Variants in MROH9 observed in about 807,000 individuals in gnomAD.
MROH9 encodes the protein maestro heat-like repeat-containing protein family member 9.
A neutral mutation model predicts 98.2 loss-of-function variants in MROH9; 92 were observed. The ratio of observed to expected loss-of-function variants is 0.94; its 90% CI spans 0.79 to 1.11. MROH9 has a LOEUF of 1.11. MROH9 is among the 50% of genes most tolerant of loss of function. The pLI is 0.00. For missense variants in MROH9, 1,057 were observed against 1,014.8 expected (o/e 1.04, Z -0.57); for synonymous variants, 397 against 368.9 (o/e 1.08, Z -0.87).
intron 10 of MROH9, among the ~76,000 whole-genome samples, chr1:170,987,256 C>CTATGATTTT (rs1651174656): frequency 6.6e-6 from 1 of 152,164 alleles, no homozygotes; most frequent in Non-Finnish European, 1.5e-5. Context: ...AATATTTTGC[C>CTATGATTTT]ATATTTGCTT....
rs1651388730 is a variant in MROH9, at chr1:170,992,308, T to G, written c.1173T>G (p.Ile391Met). Residue 391 changes from isoleucine (I) to methionine (M), a missense_variant, in exon 12 of 22, where the codon ATT (isoleucine) becomes ATG (methionine). By Grantham distance (10) the Ile-to-Met change is conservative (BLOSUM62 1). Transcript: ENST00000367759. ...VTEGKRFSLD[I>M]TNLMPLAACQ... ...AAGGGAAACGTTTCTCTCTTGATAT[T>G]ACCAACTTGATGCCTTTGGCGGTAA... 1.2e-6 allele frequency: 2 copies of G among 1,613,176 alleles called. No individual in the cohort carries two copies. The highest frequency in any genetic ancestry group is 1.3e-5 in the African/African-American group (1 of 74,868).
Position 170,958,552 on chromosome 1 carries a change from T to A in MROH9, c.152+12T>A. 6.5e-7 allele frequency: 1 copy of A among 1,541,574 alleles called. No individual in the cohort carries two copies. ...GCTGTGAACTCCAGGTATGATAAGC[T>A]ATCATGCTCTTTTATTTCACTAATT... On this transcript the variant is annotated intron_variant, in intron 4 of 21. Transcript: ENST00000367759.
Position 171,060,378 on chromosome 1 carries a change from A to G in MROH9, c.2282-1754A>G, listed in dbSNP as rs140732353. ...CCCCAAATTGATCTGTATAGATTCA[A>G]TGTATTCCCAAACAATATCTCACTG... On this transcript the variant is annotated intron_variant, in intron 20 of 21. Transcript: ENST00000367759. Among the ~76,000 whole-genome samples the G allele has an allele frequency of 8.4e-4, 128 of 152,298 alleles. 1 individual carries two copies. Among genetic ancestry groups the G allele is most frequent in the African/African-American group, 2.9e-3 (121 of 41,580 alleles).
chr1:171,054,975 C>A (rs1445187340), intron 20 of MROH9, among the ~76,000 whole-genome samples: 1 of 151,288 alleles, frequency 6.6e-6, no homozygotes, highest in Non-Finnish European at 1.5e-5. Flanking sequence ...AGTAGATCTA[C>A]CATTTGATCC....
intron 10 of MROH9, among the ~76,000 whole-genome samples, chr1:170,987,433 A>C (rs1651183367): frequency 6.6e-6 from 1 of 152,214 alleles, no homozygotes; most frequent in Non-Finnish European, 1.5e-5. Flanking sequence ...GCTTCCTTAC[A>C]ACATAGGAAA....
chr1:170,951,899 G>T (rs1359170209), intron 3 of MROH9, among the ~76,000 whole-genome samples: 1 of 152,124 alleles, frequency 6.6e-6, no homozygotes, highest in Admixed American at 6.6e-5. Flanking sequence ...TTGCTAATGG[G>T]TTACAGCAGC....
At chr1:171,044,930 T>C (rs915897195) in intron 20 of MROH9, among the ~76,000 whole-genome samples, 1 of 150,750 alleles carries the variant, frequency 6.6e-6, no homozygotes, top group Non-Finnish European at 1.5e-5. Context: ...TTATCATTTG[T>C]ATTGTTGTTT....
At position 171,014,231 on chromosome 1, in the gene MROH9, C is replaced by G; in HGVS notation, c.1711C>G (p.His571Asp). The G allele has an allele frequency of 6.4e-7, 1 of 1,550,964 alleles. No homozygotes were observed. Among genetic ancestry groups the G allele is most frequent in the Non-Finnish European group, 8.7e-7 (1 of 1,146,678 alleles). Reference protein sequence around the residue: ...VSRLILHRIVHMSPIINKTEN... With the variant: ...VSRLILHRIVDMSPIINKTEN... ...CAGACTGATCCTTCATAGAATTGTCCACATGTCACCAATTATCAATAAGGT... is the reference window on the plus strand; with the variant it reads ...CAGACTGATCCTTCATAGAATTGTCGACATGTCACCAATTATCAATAAGGT... The change falls in exon 16 of 22, where the codon CAC becomes GAC. Residue 571 changes from histidine to aspartate, a missense_variant. His to Asp is a moderately conservative substitution (Grantham distance 81, BLOSUM62 -1). Coordinates refer to ENST00000367759, the MANE Select transcript of MROH9 (RefSeq NM_001163629.2).
chr1:171,026,026 C>CTTCCCTTTGTCAGGG (rs1323117542), intron 20 of MROH9, among the ~76,000 whole-genome samples: 1 of 152,116 alleles, frequency 6.6e-6, no homozygotes, highest in Non-Finnish European at 1.5e-5. Flanking sequence ...CTTCCCTTGA[C>CTTCCCTTTGTCAGGG]CCCAGTTAGC....
chr1:171,042,667 G>T (rs544090272), intron 20 of MROH9, among the ~76,000 whole-genome samples: 126 of 152,108 alleles, frequency 8.3e-4, no homozygotes, highest in African/African-American at 2.9e-3. Context: ...CTGTCTTTTT[G>T]ATATAAGCCA....
At position 171,019,719 on chromosome 1, in the gene MROH9, A is replaced by G. The variant is rs145852838; in HGVS notation, c.1908+3383A>G. 2.4e-3 allele frequency among the ~76,000 whole-genome samples: 363 copies of G among 152,278 alleles called. 1 individual carries two copies. The highest frequency in any genetic ancestry group is 3.7e-3 in the Admixed American group (57 of 15,294). ...TCACAATTAAAAGAGCTAAAGAAGCAGGAGCAAACAAATTCAAAAGCTAGC... is the reference window on the plus strand; with the variant it reads ...TCACAATTAAAAGAGCTAAAGAAGCGGGAGCAAACAAATTCAAAAGCTAGC... On this transcript the variant is annotated intron_variant, in intron 17 of 21. Coordinates refer to ENST00000367759, the MANE Select transcript of MROH9 (RefSeq NM_001163629.2).
At chr1:171,024,833 T>G in intron 19 of MROH9, 68 bp downstream of exon 19, 3 of 916,902 alleles carry the variant, frequency 3.3e-6, no homozygotes, top group Non-Finnish European at 5.1e-6. Flanking sequence ...TCCAAAGTGA[T>G]AAAAACTGTA....
At chr1:170,945,334 T>C (rs1649287180) in intron 1 of MROH9, among the ~76,000 whole-genome samples, 186 bp from the exon 2 acceptor site, 1 of 152,100 alleles carries the variant, frequency 6.6e-6, no homozygotes, top group Admixed American at 6.6e-5. Flanking sequence ...CTGAACCTTC[T>C]GACCTACAGA....
intron 15 of MROH9, among the ~76,000 whole-genome samples, chr1:171,004,703 A>T (rs910123944): frequency 6.6e-6 from 1 of 152,118 alleles, no homozygotes; most frequent in Admixed American, 6.5e-5. Flanking sequence ...TGGAGCTAAA[A>T]TTCACAATGC....
chr1:171,029,665 G>GT (rs1249392109), intron 20 of MROH9, among the ~76,000 whole-genome samples: 6 of 152,108 alleles, frequency 3.9e-5, no homozygotes, highest in Admixed American at 1.3e-4. Flanking sequence ...TGGTGGGTAA[G>GT]TTTTTTTGAT....
At chr1:171,058,847 A>C (rs1193778821) in intron 20 of MROH9, among the ~76,000 whole-genome samples, 1 of 152,238 alleles carries the variant, frequency 6.6e-6, no homozygotes, top group Non-Finnish European at 1.5e-5. Flanking sequence ...AATTAACTCA[A>C]CATGGCTTAA....
chr1:170,957,180 G>A (rs1489402928), intron 3 of MROH9, among the ~76,000 whole-genome samples: 3 of 151,776 alleles, frequency 2.0e-5, no homozygotes, highest in Non-Finnish European at 4.4e-5. Flanking sequence ...GTTTGATGTA[G>A]TCCCACTTGT....
At chr1:171,039,681 G>A (rs573360592) in intron 20 of MROH9, among the ~76,000 whole-genome samples, 1 of 152,066 alleles carries the variant, frequency 6.6e-6, no homozygotes, top group Non-Finnish European at 1.5e-5. Context: ...AGAAAAAAAA[G>A]AAATTTGACA....
At chr1:171,062,065 G>T in intron 20 of MROH9, 67 bp from the exon 21 acceptor site, 1 of 1,020,262 alleles carries the variant, frequency 9.8e-7, no homozygotes, top group South Asian at 1.4e-5. Context: ...AAGGTAGCCA[G>T]ATAACATCAG....
Sources: gnomAD v4.1 joint callset for allele counts (sites outside exome capture counted in the v4.1 genomes callset) on GRCh38, gnomAD v4.1.1 for gene constraint, MANE v1.5 for transcripts, NCBI Gene and HGNC (gene_info 2026-07-23, HGNC 2026-07-21) for gene names.